OSBPL10: variants seen among roughly 807,000 people sequenced by gnomAD.
The protein encoded by OSBPL10 is oxysterol binding protein like 10.
OSBPL10 carries 49 observed loss-of-function variants against 81.7 expected under a neutral mutation model. That is an observed-to-expected ratio of 0.60 (90% CI 0.48 to 0.76). The LOEUF is 0.76. OSBPL10 is among the 30% of genes least tolerant of loss of function. The pLI, the probability that OSBPL10 is intolerant of heterozygous loss-of-function variation, is 0.00. For missense variants in OSBPL10, 923 were observed against 987.8 expected (o/e 0.93, Z 0.88); for synonymous variants, 419 against 383.6 (o/e 1.09, Z -1.08).
intron 4 of OSBPL10, among the ~76,000 whole-genome samples, chr3:31,750,600 T>TA (rs1487016002): frequency 3.9e-5 from 6 of 152,224 alleles, no homozygotes; most frequent in Admixed American, 3.9e-4. Context: ...TTTGTATGTA[T>TA]AAATGCTAAC....
chr3:31,791,986 C>CT, intron 4 of OSBPL10, among the ~76,000 whole-genome samples: 1 of 152,092 alleles, frequency 6.6e-6, no homozygotes, highest in Admixed American at 6.6e-5. Flanking sequence ...TGGTTCACAC[C>CT]TGTAGTCCCA....
intron 4 of OSBPL10, among the ~76,000 whole-genome samples, chr3:31,814,677 C>A (rs1217207411): frequency 1.3e-5 from 2 of 152,158 alleles, no homozygotes; most frequent in Non-Finnish European, 2.9e-5. Flanking sequence ...TTTGCCAACA[C>A]CTTGATTTCA....
At chr3:31,749,580 G>A (rs925021522) in intron 4 of OSBPL10, among the ~76,000 whole-genome samples, 20 of 152,112 alleles carry the variant, frequency 1.3e-4, no homozygotes, top group African/African-American at 4.6e-4. Flanking sequence ...CAGCACTTAG[G>A]GAGGCGGGTG....
intron 1 of OSBPL10, among the ~76,000 whole-genome samples, chr3:31,967,553 AC>A (rs1698434986): frequency 6.6e-6 from 1 of 152,238 alleles, no homozygotes; most frequent in African/African-American, 2.4e-5. Context: ...TAATGAGGAA[AC>A]AAGCAATGTT....
intron 1 of OSBPL10, among the ~76,000 whole-genome samples, chr3:31,941,464 G>A (rs1344958257): frequency 1.3e-5 from 2 of 152,182 alleles, no homozygotes; most frequent in East Asian, 1.9e-4. Flanking sequence ...ATCTCTCTGA[G>A]CTGTGTAAAT....
chr3:31,825,487 A>C (rs1700078049), intron 4 of OSBPL10, among the ~76,000 whole-genome samples: 2 of 151,946 alleles, frequency 1.3e-5, no homozygotes. Flanking sequence ...ACACTTAGCA[A>C]ATCTGTAAAT....
intron 4 of OSBPL10, among the ~76,000 whole-genome samples, chr3:31,750,033 T>C (rs184133354): frequency 1.3e-3 from 190 of 148,382 alleles, no homozygotes; most frequent in Non-Finnish European, 1.8e-3. Flanking sequence ...AACACAAAAA[T>C]AAGCCAGGTG....
intron 1 of OSBPL10, among the ~76,000 whole-genome samples, chr3:31,946,200 G>A (rs982610250): frequency 6.6e-6 from 1 of 151,612 alleles, no homozygotes; most frequent in African/African-American, 2.4e-5. Context: ...AGCTGGTCTC[G>A]AACCCCTGAT....
At chr3:31,678,001 A>C (rs1341054215) in intron 8 of OSBPL10, among the ~76,000 whole-genome samples, 3 of 148,926 alleles carry the variant, frequency 2.0e-5, no homozygotes, top group African/African-American at 7.5e-5. Context: ...GAATGGCGTG[A>C]ACCCAGGAAG....
intron 3 of OSBPL10, among the ~76,000 whole-genome samples, chr3:31,858,719 C>G (rs1363053895): frequency 2.6e-5 from 4 of 152,216 alleles, no homozygotes; most frequent in Non-Finnish European, 5.9e-5. Context: ...GAGATGGGAG[C>G]CACTCAAAAC....
intron 1 of OSBPL10, among the ~76,000 whole-genome samples, chr3:31,965,789 T>G (rs1398574906): frequency 1.3e-5 from 1 of 77,868 alleles, no homozygotes. Flanking sequence ...TATAAATAGA[T>G]AAGATATATT....
At chr3:31,934,215 G>A (rs191295533) in intron 1 of OSBPL10, among the ~76,000 whole-genome samples, 2 of 151,944 alleles carry the variant, frequency 1.3e-5, no homozygotes, top group Admixed American at 1.3e-4. Context: ...CCTGTCTGTG[G>A]TAACAGCTAC....
intron 1 of OSBPL10, among the ~76,000 whole-genome samples, chr3:31,882,350 G>A (rs765102791): frequency 6.6e-6 from 1 of 152,136 alleles, no homozygotes; most frequent in African/African-American, 2.4e-5. Flanking sequence ...AAACGAAGAC[G>A]CAAAAATGTG....
At chr3:31,897,250 T>C (rs1358131578) in intron 1 of OSBPL10, among the ~76,000 whole-genome samples, 1 of 152,040 alleles carries the variant, frequency 6.6e-6, no homozygotes, top group African/African-American at 2.4e-5. Context: ...AATATGGGGT[T>C]TGAAAAAGAA....
intron 7 of OSBPL10, among the ~76,000 whole-genome samples, chr3:31,700,931 G>A (rs1695874865): frequency 6.6e-6 from 1 of 152,200 alleles, no homozygotes; most frequent in African/African-American, 2.4e-5. Context: ...GCCACACAGA[G>A]GGTGGAGGAT....
chr3:31,848,973 T>C (rs1010532774), intron 3 of OSBPL10, among the ~76,000 whole-genome samples: 2 of 152,348 alleles, frequency 1.3e-5, no homozygotes, highest in African/African-American at 4.8e-5. Flanking sequence ...AGGTCCACTT[T>C]GGTGGCTCTT....
chr3:31,984,144 T>C (rs2125512789), upstream of OSBPL10, among the ~76,000 whole-genome samples: 1 of 152,212 alleles, frequency 6.6e-6, no homozygotes, highest in Non-Finnish European at 1.5e-5. Flanking sequence ...TTCACGTCAT[T>C]CTCCTGCCTC....
intron 2 of OSBPL10, among the ~76,000 whole-genome samples, chr3:32,014,536 A>G (rs946401752): frequency 1.3e-5 from 2 of 152,192 alleles, no homozygotes; most frequent in African/African-American, 4.8e-5. Context: ...AAACTGGCAC[A>G]AGACAGGGAT....
intron 2 of OSBPL10, among the ~76,000 whole-genome samples, chr3:31,993,477 G>A (rs1418725756): frequency 6.6e-6 from 1 of 152,044 alleles, no homozygotes; most frequent in Non-Finnish European, 1.5e-5. Flanking sequence ...CAAAGTGCTG[G>A]GATTACAGGC....
Sources: gnomAD v4.1 joint callset for allele counts (sites outside exome capture counted in the v4.1 genomes callset) on GRCh38, gnomAD v4.1.1 for gene constraint, MANE v1.5 for transcripts, NCBI Gene and HGNC (gene_info 2026-07-23, HGNC 2026-07-21) for gene names.